PDE10A: variants seen among roughly 807,000 people sequenced by gnomAD.
The protein encoded by PDE10A is cAMP and cAMP-inhibited cGMP 3',5'-cyclic phosphodiesterase 10A.
PDE10A carries 39 observed loss-of-function variants against 97.7 expected under a neutral mutation model. The ratio of observed to expected loss-of-function variants is 0.40; its 90% CI spans 0.31 to 0.52. The LOEUF (loss-of-function observed/expected upper bound fraction) is 0.52, where lower values mean the gene tolerates loss of function less well. Ranked by LOEUF, PDE10A falls within the 20% of genes least tolerant of loss-of-function variation. PDE10A has a pLI of 0.56. For synonymous variants in PDE10A, 371 were observed against 376.8 expected (o/e 0.98, Z 0.18); for missense variants, 731 against 1,047.8 (o/e 0.70, Z 4.17).
chr6:165,662,885 GC>G lies in PDE10A; in HGVS notation c.-75del, dbSNP rs1455119707. Among the ~76,000 whole-genome samples, 2 of 150,596 alleles carry G rather than the reference GC, an allele frequency of 1.3e-5. No homozygotes were observed. The highest frequency in any genetic ancestry group is 2.4e-5 in the African/African-American group (1 of 41,144). ...GGCGGGCCGGGGCTCGGTGGGCTCCGCCCCCGCAGGACCTGCCCACCCCTGC... is the reference window on the plus strand; with the variant it reads ...GGCGGGCCGGGGCTCGGTGGGCTCCGCCCCGCAGGACCTGCCCACCCCTGC... On this transcript the variant is annotated 5_prime_UTR_variant, in exon 1 of 22. Transcript: ENST00000539869.
intron 1 of PDE10A, among the ~76,000 whole-genome samples, chr6:165,848,473 A>G (rs1260172341): frequency 6.6e-6 from 1 of 152,206 alleles, no homozygotes; most frequent in Admixed American, 6.5e-5. Flanking sequence ...TCTGGACAAT[A>G]GATCTTTGGC....
At chr6:165,955,101 G>A (rs1447744089) in intron 1 of PDE10A, among the ~76,000 whole-genome samples, 4 of 151,608 alleles carry the variant, frequency 2.6e-5, no homozygotes, top group East Asian at 2.0e-4. Flanking sequence ...CTGCCATCAC[G>A]GCCTCTATGC....
chr6:165,459,661 T>C (rs370852376), intron 3 of PDE10A, among the ~76,000 whole-genome samples: 3 of 152,166 alleles, frequency 2.0e-5, no homozygotes, highest in South Asian at 4.2e-4. Context: ...CTTTTGACAA[T>C]GCTAATCCTC....
chr6:165,854,970 C>T (rs532123296), intron 1 of PDE10A, among the ~76,000 whole-genome samples: 2 of 151,582 alleles, frequency 1.3e-5, no homozygotes, highest in African/African-American at 2.4e-5. Context: ...CCAGTTTAGG[C>T]GCGGGGGAAG....
rs149584335 is a variant in PDE10A, at chr6:165,388,430, A to G, written c.2478T>C (p.Cys826=). The G allele has an allele frequency of 6.2e-7, 1 of 1,614,034 alleles. No homozygotes were observed. The highest frequency in any genetic ancestry group is 1.3e-5 in the African/African-American group (1 of 74,922). Residue 826 remains cysteine (C), a synonymous_variant, in exon 17 of 22, where the codon TGT becomes TGC. Coordinates refer to ENST00000539869, the MANE Select transcript of PDE10A (RefSeq NM_001385079.1). The surrounding 1 kb of genome is among the most constrained non-coding windows in gnomAD (Gnocchi z 4.0). The stretch of plus-strand genomic sequence containing the variant: ...CCCTGTGGTCCAGGTCATGACACAG[A>G]CACGCAATCAGCAGTCCTTTGCGCT... ...DLERKGLLIA[C]LCHDLDHRGF... is the part of the protein sequence containing the mutation.
chr6:165,525,658 G>A (rs1013151932), intron 2 of PDE10A, among the ~76,000 whole-genome samples: 3 of 152,078 alleles, frequency 2.0e-5, no homozygotes, highest in Non-Finnish European at 2.9e-5. Context: ...ATCTAACAGC[G>A]GGAACCACAG....
chr6:165,638,237 T>G (rs1788971971), intron 1 of PDE10A, among the ~76,000 whole-genome samples: 1 of 152,156 alleles, frequency 6.6e-6, no homozygotes, highest in South Asian at 2.1e-4. Context: ...TTGGCGATGA[T>G]TCTACTATGC....
At chr6:165,658,790 G>A (rs949816211) in intron 1 of PDE10A, among the ~76,000 whole-genome samples, 9 of 152,232 alleles carry the variant, frequency 5.9e-5, no homozygotes, top group African/African-American at 2.2e-4. Flanking sequence ...GGTGCCTGAG[G>A]AGGAGGCCAG....
intron 2 of PDE10A, among the ~76,000 whole-genome samples, chr6:165,505,575 A>C (rs2128297683): frequency 6.6e-6 from 1 of 152,354 alleles, no homozygotes; most frequent in Admixed American, 6.5e-5. Flanking sequence ...GTTCTGCATA[A>C]AAATGAGTTG....
At chr6:165,421,873 G>A (rs940783727) in intron 10 of PDE10A, among the ~76,000 whole-genome samples, 8 of 152,102 alleles carry the variant, frequency 5.3e-5, no homozygotes, top group Admixed American at 1.3e-4. Context: ...ACCAGCTTGG[G>A]CAACATGGCA....
intron 1 of PDE10A, among the ~76,000 whole-genome samples, chr6:165,673,041 C>T (rs568831487): frequency 6.6e-6 from 1 of 152,122 alleles, no homozygotes; most frequent in Admixed American, 6.5e-5. Context: ...GCAGAGCCCA[C>T]ACCACTCCTA....
chr6:165,834,362 GCA>G (rs1780013238), intron 1 of PDE10A, among the ~76,000 whole-genome samples: 2 of 152,228 alleles, frequency 1.3e-5, no homozygotes, highest in African/African-American at 4.8e-5. Flanking sequence ...CCTGAAGCAA[GCA>G]CAGAGGAGAA....
At chr6:165,766,241 TC>T (rs1777847315) in intron 1 of PDE10A, among the ~76,000 whole-genome samples, 1 of 152,228 alleles carries the variant, frequency 6.6e-6, no homozygotes, top group Non-Finnish European at 1.5e-5. Context: ...CTTTTGCACA[TC>T]CTGTGTATTG....
intron 1 of PDE10A, among the ~76,000 whole-genome samples, chr6:165,791,769 A>T (rs1778658922): frequency 6.6e-6 from 1 of 152,148 alleles, no homozygotes; most frequent in Admixed American, 6.5e-5. Flanking sequence ...TTCCCAGTTC[A>T]AACTTACTAT....
At chr6:165,968,426 C>G (rs900813210) in intron 1 of PDE10A, among the ~76,000 whole-genome samples, 3 of 152,174 alleles carry the variant, frequency 2.0e-5, no homozygotes, top group Admixed American at 1.3e-4. Context: ...ACCACTACCA[C>G]CCACTATCAC....
intron 1 of PDE10A, chr6:165,718,137 T>C (rs1296990622): frequency 1.3e-5 from 2 of 152,258 alleles, no homozygotes; most frequent in African/African-American, 4.8e-5. Flanking sequence ...TTGCCTGTGC[T>C]TTTGATATCA....
chr6:165,392,706 A>T lies in PDE10A; in HGVS notation c.2394T>A (p.Thr798=). 1 of 1,613,928 alleles carries T rather than the reference A, an allele frequency of 6.2e-7. No homozygotes were observed. Among genetic ancestry groups the T allele is most frequent in the Non-Finnish European group, 8.5e-7 (1 of 1,179,812 alleles). ...GTATGGCATACATGCAGTGTGCTAC[A>T]GTGACCGCATGCTTCCAGTTGTGAT... The part of the protein sequence containing the change: ...VPYHNWKHAV[T]VAHCMYAILQ... Residue 798 remains threonine (T), a synonymous_variant, in exon 16 of 22, where the codon ACT becomes ACA. Coordinates refer to ENST00000539869, the MANE Select transcript of PDE10A (RefSeq NM_001385079.1).
intron 1 of PDE10A, among the ~76,000 whole-genome samples, chr6:165,739,261 A>C (rs751047517): frequency 6.6e-6 from 1 of 152,244 alleles, no homozygotes; most frequent in African/African-American, 2.4e-5. Context: ...AGTAATCAAC[A>C]AAAGTATGGT....
intron 1 of PDE10A, among the ~76,000 whole-genome samples, chr6:165,929,550 C>T (rs754733437): frequency 1.6e-4 from 25 of 152,176 alleles, no homozygotes; most frequent in Admixed American, 5.9e-4. Flanking sequence ...CTGGATGCCG[C>T]GACACCCTAT....
Sources: gnomAD v4.1 joint callset for allele counts (sites outside exome capture counted in the v4.1 genomes callset) on GRCh38, gnomAD v4.1.1 for gene constraint, Gnocchi (gnomAD v3.1) non-coding constraint, MANE v1.5 for transcripts, NCBI Gene and HGNC (gene_info 2026-07-23, HGNC 2026-07-21) for gene names.